The following CMSS1 variants were observed in gnomAD, a reference collection of about 807,000 sequenced individuals.
CMSS1 encodes protein CMSS1.
Under a neutral mutation model 43.5 loss-of-function variants are expected in CMSS1, and 33 were observed. The observed-to-expected ratio is 0.76, with a 90% CI of 0.57 to 1.01. The LOEUF (loss-of-function observed/expected upper bound fraction) is 1.01. Among genes scored for constraint, CMSS1 ranks in the 50% least tolerant of loss-of-function variants. The pLI is 0.00. For missense variants in CMSS1, 313 were observed against 326.4 expected (o/e 0.96, Z 0.32); for synonymous variants, 115 against 117.2 (o/e 0.98, Z 0.12).
At chr3:99,970,523 A>T (rs1333648552) in intron 1 of CMSS1, among the ~76,000 whole-genome samples, 1 of 152,248 alleles carries the variant, frequency 6.6e-6, no homozygotes, top group East Asian at 1.9e-4. Flanking sequence ...ACCTAATTGC[A>T]GAACACTTTC....
chr3:100,116,632 G>A (rs1056198028), intron 1 of CMSS1, among the ~76,000 whole-genome samples: 26 of 152,158 alleles, frequency 1.7e-4, no homozygotes, highest in South Asian at 6.2e-4. Context: ...ACACACGCGC[G>A]CCTATATCTG....
At chr3:99,990,447 A>T (rs993611002) in intron 1 of CMSS1, among the ~76,000 whole-genome samples, 1 of 152,204 alleles carries the variant, frequency 6.6e-6, no homozygotes, top group African/African-American at 2.4e-5. Flanking sequence ...GTGAACACTA[A>T]ATGTTCAGCC....
At chr3:100,168,906 C>CAT (rs1289183558) in intron 6 of CMSS1, among the ~76,000 whole-genome samples, 2 of 150,542 alleles carry the variant, frequency 1.3e-5, no homozygotes, top group Non-Finnish European at 1.5e-5. Context: ...TATATATACA[C>CAT]ATATATATAC....
At chr3:100,005,138 TA>T (rs1709952280) in intron 1 of CMSS1, among the ~76,000 whole-genome samples, 1 of 152,218 alleles carries the variant, frequency 6.6e-6, no homozygotes, top group Non-Finnish European at 1.5e-5. Context: ...AACCTTATCT[TA>T]CTCAAGGAAG....
intron 1 of CMSS1, among the ~76,000 whole-genome samples, chr3:99,989,767 G>A (rs1159579241): frequency 6.6e-6 from 1 of 150,802 alleles, no homozygotes; most frequent in South Asian, 2.1e-4. Flanking sequence ...TTATCAACAT[G>A]TTAATATTAA....
chr3:99,971,305 C>T (rs1181787455), intron 1 of CMSS1, among the ~76,000 whole-genome samples: 1 of 149,806 alleles, frequency 6.7e-6, no homozygotes, highest in Admixed American at 6.6e-5. Context: ...GTGCCACTGC[C>T]CACCAGCCTG....
rs1035475785 is a variant in CMSS1 at position 99,990,428 on chromosome 3, C to T, written c.65-156545C>T. On this transcript the variant is annotated intron_variant, in intron 1 of 9. Transcript: ENST00000421999. ...TTAGGCACTTGCTGAGTGCTGAGGA[C>T]ATAACAAAGTGAACACTAAATGTTC... Among the ~76,000 whole-genome samples, 10 of 152,284 alleles carry T rather than the reference C, an allele frequency of 6.6e-5. 1 individual carries two copies. The highest frequency in any genetic ancestry group is 6.5e-4 in the Admixed American group (10 of 15,298).
chr3:99,819,224 CTT>C (rs770031754), intron 1 of CMSS1, among the ~76,000 whole-genome samples: 6 of 151,758 alleles, frequency 4.0e-5, no homozygotes, highest in Non-Finnish European at 7.3e-5. Context: ...CTTCCTGACT[CTT>C]TTGCAGCCCT....
chr3:100,081,906 A>C (rs1398515273), intron 1 of CMSS1, among the ~76,000 whole-genome samples: 1 of 152,166 alleles, frequency 6.6e-6, no homozygotes, highest in Non-Finnish European at 1.5e-5. Context: ...GACAATTAAA[A>C]ATGTCTCCAG....
At chr3:100,059,087 C>T (rs967916471) in intron 1 of CMSS1, among the ~76,000 whole-genome samples, 2 of 152,158 alleles carry the variant, frequency 1.3e-5, no homozygotes, top group African/African-American at 2.4e-5. Flanking sequence ...GTCAGCACTA[C>T]AAAGTAAAGC....
intron 1 of CMSS1, among the ~76,000 whole-genome samples, chr3:100,046,677 G>A (rs1285218069): frequency 6.6e-6 from 1 of 152,096 alleles, no homozygotes; most frequent in Non-Finnish European, 1.5e-5. Flanking sequence ...GGCCATCTCA[G>A]CTCCAGGTAA....
chr3:100,136,346 C>T (rs2066753058), intron 1 of CMSS1, among the ~76,000 whole-genome samples: 1 of 152,180 alleles, frequency 6.6e-6, no homozygotes, highest in South Asian at 2.1e-4. Flanking sequence ...ACCACACGCC[C>T]ACAGCTTTGA....
intron 1 of CMSS1, among the ~76,000 whole-genome samples, chr3:100,078,322 G>A (rs1280594750): frequency 5.9e-5 from 9 of 152,046 alleles, no homozygotes; most frequent in Admixed American, 2.0e-4. Flanking sequence ...CAGAGAAAAC[G>A]TAGAACTTTG....
At chr3:99,913,593 TAAAA>T (rs1204896971) in intron 1 of CMSS1, among the ~76,000 whole-genome samples, 1 of 152,080 alleles carries the variant, frequency 6.6e-6, no homozygotes, top group Non-Finnish European at 1.5e-5. Context: ...TGCAACCACT[TAAAA>T]AAAGAATAGA....
intron 1 of CMSS1, among the ~76,000 whole-genome samples, chr3:100,048,674 CTG>C (rs996315665): frequency 6.6e-6 from 1 of 152,162 alleles, no homozygotes; most frequent in African/African-American, 2.4e-5. Flanking sequence ...CATTTCCACT[CTG>C]TTAACATCTC....
At chr3:100,021,222 A>T (rs764538803) in intron 1 of CMSS1, among the ~76,000 whole-genome samples, 1 of 152,150 alleles carries the variant, frequency 6.6e-6, no homozygotes, top group Non-Finnish European at 1.5e-5. Flanking sequence ...AAGCAAAACC[A>T]TTGGAAGTAG....
chr3:99,899,001 C>T (rs1706352006), intron 1 of CMSS1, among the ~76,000 whole-genome samples: 1 of 151,986 alleles, frequency 6.6e-6, no homozygotes, highest in Non-Finnish European at 1.5e-5. Context: ...AGTTTCATCA[C>T]CTGAGAAGGC....
intron 1 of CMSS1, among the ~76,000 whole-genome samples, chr3:99,888,860 T>C (rs1289895993): frequency 6.6e-6 from 1 of 152,228 alleles, no homozygotes; most frequent in African/African-American, 2.4e-5. Context: ...TCCATGATCT[T>C]ATTGGGCTTT....
At chr3:99,978,146 T>C (rs1443148699) in intron 1 of CMSS1, among the ~76,000 whole-genome samples, 1 of 152,226 alleles carries the variant, frequency 6.6e-6, no homozygotes, top group African/African-American at 2.4e-5. Context: ...ATTTAGAATT[T>C]ATAGACTAAG....
Sources: allele counts gnomAD v4.1 joint callset (sites outside exome capture counted in the v4.1 genomes callset), GRCh38; gene constraint gnomAD v4.1.1; transcripts MANE v1.5; gene names NCBI Gene and HGNC (gene_info 2026-07-23, HGNC 2026-07-21).